Variants in HOOK3 observed in about 807,000 individuals in gnomAD.
HOOK3 encodes the protein hook microtubule tethering protein 3.
HOOK3 carries 24 observed loss-of-function variants against 116.3 expected under a neutral mutation model. The observed-to-expected ratio is 0.21, with a 90% CI of 0.15 to 0.29. The LOEUF (loss-of-function observed/expected upper bound fraction) is 0.29, where lower values mean the gene tolerates loss of function less well. HOOK3 is among the 10% of genes least tolerant of loss of function. The pLI is 1.00. For synonymous variants in HOOK3, 275 were observed against 283.0 expected (o/e 0.97, Z 0.28); for missense variants, 632 against 830.2 (o/e 0.76, Z 2.93).
Position 42,974,155 on chromosome 8 carries a change from C to T in HOOK3, c.1282C>T (p.Arg428Cys), listed in dbSNP as rs1251033044. 8.7e-6 allele frequency: 14 copies of T among 1,613,772 alleles called. No homozygotes were observed. Among genetic ancestry groups the T allele is most frequent in the East Asian group, 2.2e-5 (1 of 44,892 alleles). Reference protein sequence around the residue: ...DSLKETIEELRCVQAQEGQLT... With the variant: ...DSLKETIEELCCVQAQEGQLT... ...TCTGAAGGAAACCATTGAAGAGCTT[C>T]GTTGTGTACAAGCTCAAGAAGGGCA... Residue 428 changes from arginine (R) to cysteine (C), a missense_variant, in exon 13 of 22, where the codon CGT becomes TGT. Physicochemically the swap from Arg to Cys is radical, Grantham distance 180. Transcript: ENST00000307602.
Position 43,024,379 on chromosome 8 carries a change from G to A in HOOK3, c.*5881G>A, listed in dbSNP as rs946102331. On this transcript the variant is annotated 3_prime_UTR_variant, in exon 22 of 22. Transcript: ENST00000307602. ...TATTCTGAGCAAAATCAAATGGGATGTCAGAATCTTTGAAAATTATTTTAT... is the reference window on the plus strand; with the variant it reads ...TATTCTGAGCAAAATCAAATGGGATATCAGAATCTTTGAAAATTATTTTAT... 2 of 188,974 alleles carry A rather than the reference G, an allele frequency of 1.1e-5. No individual in the cohort carries two copies. Among genetic ancestry groups the A allele is most frequent in the African/African-American group, 2.3e-5 (1 of 42,870 alleles). 11.7% of individuals were successfully genotyped at this position (188,974 alleles called of 1,614,324 possible). A position where few individuals can be genotyped will look rare whatever the true frequency, so the allele number is the denominator to read the frequency against.
At chr8:42,926,744 T>A (rs970645785) in intron 3 of HOOK3, among the ~76,000 whole-genome samples, 3 of 152,240 alleles carry the variant, frequency 2.0e-5, no homozygotes, top group Non-Finnish European at 4.4e-5. Flanking sequence ...CCATATTTTA[T>A]TCAAATTTCA....
chr8:43,006,949 T>G (rs966328240), intron 17 of HOOK3, among the ~76,000 whole-genome samples: 7 of 151,834 alleles, frequency 4.6e-5, no homozygotes, highest in African/African-American at 1.5e-4. Flanking sequence ...TATCTCACTT[T>G]CAGTTAATTA....
intron 11 of HOOK3, among the ~76,000 whole-genome samples, chr8:42,970,048 G>T (rs1808699202): frequency 6.6e-6 from 1 of 152,052 alleles, no homozygotes. Flanking sequence ...TCTTTACAAA[G>T]ATTTAAAGTT....
chr8:42,907,748 T>C (rs1807339232), intron 2 of HOOK3, among the ~76,000 whole-genome samples: 1 of 149,034 alleles, frequency 6.7e-6, no homozygotes, highest in Non-Finnish European at 1.5e-5. Flanking sequence ...CAAAACAAGA[T>C]TTCAGGAACC....
Position 43,020,195 on chromosome 8 carries a change from G to A in HOOK3, c.*1697G>A, listed in dbSNP as rs1040171533. 1 of 199,330 alleles carries A rather than the reference G, an allele frequency of 5.0e-6. No individual in the cohort carries two copies. The highest frequency in any genetic ancestry group is 6.0e-5 in the Admixed American group (1 of 16,570). 12.3% of individuals were successfully genotyped at this position (199,330 alleles called of 1,614,324 possible). On this transcript the variant is annotated 3_prime_UTR_variant, in exon 22 of 22. Coordinates refer to ENST00000307602, the MANE Select transcript of HOOK3 (RefSeq NM_032410.4). ...ACATTGTGCTAATTTTTTACATTAA[G>A]TACAGAAGTCTGAGCACAGCATGAA...
intron 11 of HOOK3, among the ~76,000 whole-genome samples, chr8:42,970,253 T>G (rs1808702346): frequency 6.6e-6 from 1 of 152,228 alleles, no homozygotes; most frequent in African/African-American, 2.4e-5. Flanking sequence ...GTATATGGGT[T>G]TATTTCTGGA....
intron 1 of HOOK3, among the ~76,000 whole-genome samples, chr8:42,901,257 A>C (rs1807183316): frequency 6.6e-6 from 1 of 152,208 alleles, no homozygotes; most frequent in East Asian, 1.9e-4. Flanking sequence ...TCTTGGAATT[A>C]AAAGAAAGAT....
intron 2 of HOOK3, among the ~76,000 whole-genome samples, chr8:42,924,308 C>T (rs1285610288): frequency 6.6e-6 from 1 of 150,690 alleles, no homozygotes; most frequent in Non-Finnish European, 1.5e-5. Context: ...AAAGTTTTGT[C>T]CTCCCTCCCT....
intron 2 of HOOK3, among the ~76,000 whole-genome samples, chr8:42,919,343 C>T (rs1206906858): frequency 4.8e-5 from 7 of 146,720 alleles, no homozygotes; most frequent in African/African-American, 1.5e-4. Flanking sequence ...AGATCCCAGA[C>T]GGGGTCGTGG....
chr8:42,915,674 C>T (rs1012121812), intron 2 of HOOK3, among the ~76,000 whole-genome samples: 8 of 152,032 alleles, frequency 5.3e-5, no homozygotes, highest in East Asian at 1.9e-4. Flanking sequence ...TCAGGAGGTC[C>T]GCCTGTCTCG....
chr8:42,941,147 A>G (rs946139706), intron 4 of HOOK3, among the ~76,000 whole-genome samples: 3 of 151,448 alleles, frequency 2.0e-5, no homozygotes, highest in Non-Finnish European at 2.9e-5. Flanking sequence ...GGATTTTACT[A>G]TGTTGGCCAG....
chr8:43,002,073 G>C (rs1185876107), intron 16 of HOOK3, 34 bp from the exon 17 acceptor site: 2 of 1,330,646 alleles, frequency 1.5e-6, no homozygotes, highest in African/African-American at 2.9e-5. Context: ...GTTAAAATGT[G>C]AGGTAATAAA....
At chr8:43,001,558 T>C (rs1809381557) in intron 16 of HOOK3, among the ~76,000 whole-genome samples, 1 of 152,082 alleles carries the variant, frequency 6.6e-6, no homozygotes, top group Admixed American at 6.6e-5. Flanking sequence ...CTTTTTTTTT[T>C]TTTACCCAGT....
At chr8:43,017,003 G>A (rs576744884) in intron 21 of HOOK3, among the ~76,000 whole-genome samples, 7 of 150,012 alleles carry the variant, frequency 4.7e-5, no homozygotes, top group East Asian at 2.0e-4. Flanking sequence ...GCAAGACTCC[G>A]TCTAAAAAAA....
chr8:43,000,039 T>A (rs1809350239), intron 16 of HOOK3, among the ~76,000 whole-genome samples: 1 of 152,104 alleles, frequency 6.6e-6, no homozygotes, highest in African/African-American at 2.4e-5. Context: ...TCCCAGCTAC[T>A]CGGGAAGCTG....
At chr8:42,959,899 G>C (rs1486116844) in intron 8 of HOOK3, among the ~76,000 whole-genome samples, 1 of 152,054 alleles carries the variant, frequency 6.6e-6, no homozygotes, top group Non-Finnish European at 1.5e-5. Context: ...ACTGGGTTAT[G>C]CATATGTAGA....
chr8:42,936,964 G>T (rs1807983425), intron 4 of HOOK3, among the ~76,000 whole-genome samples: 1 of 152,192 alleles, frequency 6.6e-6, no homozygotes. Flanking sequence ...CAGAAGGAAT[G>T]GTACCAGCTC....
chr8:42,898,315 C>A (rs1424421454), intron 1 of HOOK3, among the ~76,000 whole-genome samples: 1 of 152,210 alleles, frequency 6.6e-6, no homozygotes, highest in Admixed American at 6.5e-5. Flanking sequence ...TAGCCAGTTG[C>A]ATATCAGACC....
Sources: allele counts gnomAD v4.1 joint callset (sites outside exome capture counted in the v4.1 genomes callset), GRCh38; gene constraint gnomAD v4.1.1; transcripts MANE v1.5; gene names NCBI Gene and HGNC (gene_info 2026-07-23, HGNC 2026-07-21).